ARHGAP4: variants seen among roughly 807,000 people sequenced by gnomAD.
ARHGAP4 encodes the protein rho GTPase-activating protein 4.
Under a neutral mutation model 67.6 loss-of-function variants are expected in ARHGAP4, and 25 were observed. That is an observed-to-expected ratio of 0.37 (90% CI 0.27 to 0.52). The LOEUF (loss-of-function observed/expected upper bound fraction) is 0.52, where lower values mean the gene tolerates loss of function less well. Ranked by LOEUF, ARHGAP4 falls within the 20% of genes least tolerant of loss-of-function variation. The pLI, the probability that ARHGAP4 is intolerant of heterozygous loss-of-function variation, is 0.92. For synonymous variants in ARHGAP4, 448 were observed against 373.7 expected (o/e 1.20, Z -2.29); for missense variants, 804 against 854.6 (o/e 0.94, Z 0.74).
intron 4 of ARHGAP4, 92 bp downstream of exon 4, chrX:153,921,005 T>C: frequency 9.2e-7 from 1 of 1,081,925 alleles, no homozygotes; most frequent in South Asian, 2.0e-5. Flanking sequence ...TGGCTTGGGG[T>C]GATGTGATGG....
chrX:153,919,704 C>T, intron 5 of ARHGAP4: 4 of 1,141,737 alleles, frequency 3.5e-6, no homozygotes, highest in Non-Finnish European at 4.7e-6. Context: ...GGAACGAGTA[C>T]CCCAAAGGGT....
chrX:153,908,148 C>T (rs1438659891), intron 21 of ARHGAP4, among the ~76,000 whole-genome samples, 186 bp from the exon 22 acceptor site: 2 of 112,224 alleles, frequency 1.8e-5, no homozygotes, highest in African/African-American at 6.5e-5. Flanking sequence ...GTGTCTCTGT[C>T]ACAGTCTCCT....
intron 7 of ARHGAP4, among the ~76,000 whole-genome samples, chrX:153,914,660 G>A (rs1221860388): frequency 8.9e-6 from 1 of 112,343 alleles, no homozygotes; most frequent in Admixed American, 9.4e-5. Flanking sequence ...TGGAGCCATT[G>A]CACTCCAGCC....
At position 153,907,746 on chromosome X, in the gene ARHGAP4, T is replaced by A; in HGVS notation, c.2824A>T (p.Thr942Ser). ...GCGGCACCTCAGTGTGGCTTGGGGGTCGTGTCTAGGCCCTGGGGGTGGGAA... is the reference window on the plus strand; with the variant it reads ...GCGGCACCTCAGTGTGGCTTGGGGGACGTGTCTAGGCCCTGGGGGTGGGAA... Reference protein sequence around the residue: ...SASHPQGLDTTPKPH With the variant: ...SASHPQGLDTSPKPH The change falls in exon 22 of 22, where the codon ACC becomes TCC. Residue 942 changes from threonine (T) to serine (S), a missense_variant. Thr to Ser is a moderately conservative substitution (Grantham distance 58). This residue lies in a region of ARHGAP4 where 400 missense variants were observed against 348.7 expected (regional missense o/e 1.15). Coordinates refer to ENST00000350060, the MANE Select transcript of ARHGAP4 (RefSeq NM_001666.5). 1 of 995,539 alleles carries A rather than the reference T, an allele frequency of 1.0e-6. No individual in the cohort carries two copies. Among genetic ancestry groups the A allele is most frequent in the Non-Finnish European group, 1.3e-6 (1 of 775,933 alleles). 82.0% of individuals were successfully genotyped at this position (995,539 alleles called of 1,213,427 possible).
At chrX:153,908,703 C>T (rs2064992194) in intron 21 of ARHGAP4, among the ~76,000 whole-genome samples, 1 of 110,948 alleles carries the variant, frequency 9.0e-6, no homozygotes, top group African/African-American at 3.3e-5. Flanking sequence ...CCTAGCCCAG[C>T]TACAAATGCC....
At chrX:153,922,553 G>T in intron 1 of ARHGAP4, 1 of 416,425 alleles carries the variant, frequency 2.4e-6, no homozygotes, top group Non-Finnish European at 3.0e-6. Context: ...TCACTGGCTT[G>T]ATTTGGCAAC....
intron 7 of ARHGAP4, among the ~76,000 whole-genome samples, chrX:153,918,164 T>C (rs781931012): frequency 8.9e-6 from 1 of 112,992 alleles, no homozygotes; most frequent in Non-Finnish European, 1.9e-5. Context: ...GATTTAAACA[T>C]TGAATGTTAA....
intron 3 of ARHGAP4, 21 bp from the exon 4 acceptor site, chrX:153,921,180 G>T: frequency 8.4e-7 from 1 of 1,194,188 alleles, no homozygotes. Flanking sequence ...AGGCAAGGGT[G>T]AGCACGGCAC....
chrX:153,914,555 G>T (rs1010433353), intron 7 of ARHGAP4, among the ~76,000 whole-genome samples: 3 of 111,885 alleles, frequency 2.7e-5, no homozygotes, highest in African/African-American at 9.7e-5. Context: ...AAATTAACTG[G>T]GCACGGTGGC....
chrX:153,907,968 G>C lies in ARHGAP4; in HGVS notation c.2608-6C>G. The stretch of plus-strand genomic sequence containing the variant: ...TCCATGTTCTGTGCCACAGCCTAGC[G>C]GAGGGGAAAGAAAGGGAGAGTGACC... On this transcript the variant is annotated splice_polypyrimidine_tract_variant and splice_region_variant and intron_variant, in intron 21 of 21. Coordinates refer to ENST00000350060, the MANE Select transcript of ARHGAP4 (RefSeq NM_001666.5). 6 of 1,136,905 alleles carry C rather than the reference G, an allele frequency of 5.3e-6. No individual in the cohort carries two copies. The South Asian group carries it at 1.3e-4, about 25-fold the overall frequency. The allele number at this position is 1,136,905 out of a possible 1,213,427, so 93.7% of individuals were successfully genotyped here.
At chrX:153,914,004 A>G in intron 7 of ARHGAP4, 125 bp from the exon 8 acceptor site, 1 of 555,837 alleles carries the variant, frequency 1.8e-6, no homozygotes, top group Non-Finnish European at 2.9e-6. Flanking sequence ...CCACCAGCCC[A>G]GACGCTCAGC....
chrX:153,910,277 C>G lies in ARHGAP4; in HGVS notation c.2050G>C (p.Val684Leu). ...TCGGGCTGCACTATGAGCGTCTGCA[C>G]CAGCTGGTTCACCCGGCCCTGCAGC... ...VALQGRVNQL[V>L]QTLIVQPDRV... Residue 684 changes from valine to leucine, a missense_variant, in exon 17 of 22, where the codon GTG becomes CTG. By Grantham distance (32) the Val-to-Leu change is conservative. Around this residue, in one of 2 missense-constraint regions of ARHGAP4, gnomAD observed 400 missense variants for 348.7 expected, o/e 1.15. Transcript: ENST00000350060. The G allele has an allele frequency of 8.3e-7, 1 of 1,210,307 alleles. No individual in the cohort carries two copies. The highest frequency in any genetic ancestry group is 1.1e-6 in the Non-Finnish European group (1 of 895,056).
rs781962403 is a variant in ARHGAP4, at chrX:153,926,026, G to A, written c.67+110C>T. ...TCCCTCCTCCACCCCCGCTCCAGAG[G>A]TCGCTGGGGAGAGCATCGGGCCCTG... On this transcript the variant is annotated intron_variant, in intron 1 of 21. Transcript: ENST00000350060. 9.4e-6 allele frequency: 10 copies of A among 1,059,458 alleles called. No homozygotes were observed. The East Asian group carries it at 1.5e-4, about 16-fold the overall frequency. 87.3% of individuals were successfully genotyped at this position (1,059,458 alleles called of 1,213,427 possible).
In ARHGAP4 at chrX:153,910,552, C is replaced by A. The variant is rs996546347; in HGVS notation, c.1876G>T (p.Ala626Ser). The change falls in exon 16 of 22, where the codon GCG becomes TCG. Residue 626 changes from alanine (A) to serine (S), a missense_variant. Physicochemically the swap from Ala to Ser is moderately conservative, Grantham distance 99 (BLOSUM62 1). Around this residue, in one of 2 missense-constraint regions of ARHGAP4, gnomAD observed 400 missense variants for 348.7 expected, o/e 1.15. Transcript: ENST00000350060. ...HVSRLLWRLPAPVLVVLRYLF... is the reference protein window; with the variant it reads ...HVSRLLWRLPSPVLVVLRYLF... ...TAGCGCAGAACCACCAGCACCGGCGCGGGCAGCCGCCACAGCAGGCGGCTC... is the reference window on the plus strand; with the variant it reads ...TAGCGCAGAACCACCAGCACCGGCGAGGGCAGCCGCCACAGCAGGCGGCTC... 3.3e-6 allele frequency: 4 copies of A among 1,204,728 alleles called. No individual in the cohort carries two copies. Among genetic ancestry groups the A allele is most frequent in the Non-Finnish European group, 3.4e-6 (3 of 893,955 alleles).
rs34279017 is a variant in ARHGAP4 at position 153,912,725 on chromosome X, C to T, written c.1517G>A (p.Gly506Glu). Residue 506 changes from glycine to glutamate, a missense_variant, in exon 12 of 22, where the codon GGG (glycine) becomes GAG (glutamate). Coordinates refer to ENST00000350060, the MANE Select transcript of ARHGAP4 (RefSeq NM_001666.5). The stretch of plus-strand genomic sequence containing the variant: ...CTGGATAAACTTCTCCATGTCTCCC[C>T]CAAAGAGTCTCTGGTTATACTGGGA... ...PSSQYNQRLF[G>E]GDMEKFIQSS... 3.2e-5 allele frequency: 39 copies of T among 1,209,350 alleles called. No individual in the cohort carries two copies. Among genetic ancestry groups the T allele is most frequent in the Non-Finnish European group, 3.7e-5 (33 of 894,619 alleles).
At position 153,910,912 on chromosome X, in the gene ARHGAP4, C is replaced by T; in HGVS notation, c.1681+10G>A. 1.4e-5 allele frequency: 16 copies of T among 1,155,473 alleles called. No individual in the cohort carries two copies. The highest frequency in any genetic ancestry group is 1.8e-5 in the Non-Finnish European group (16 of 867,612). ...GAGCCCCCACCCCCGCCCGCCCTGC[C>T]CGTCCCCACCTCTCTCGAAGGCATC... On this transcript the variant is annotated intron_variant, in intron 14 of 21. Transcript: ENST00000350060.
Position 153,918,917 on chromosome X carries a change from C to T in ARHGAP4, c.947G>A (p.Gly316Glu), listed in dbSNP as rs1485653938. The T allele has an allele frequency of 8.3e-7, 1 of 1,210,764 alleles. No individual in the cohort carries two copies. The highest frequency in any genetic ancestry group is 1.7e-5 in the African/African-American group (1 of 57,407). The change falls in exon 7 of 22, where the codon GGG becomes GAG. Residue 316 changes from glycine (G) to glutamate (E), a missense_variant. Around this residue, in one of 2 missense-constraint regions of ARHGAP4, gnomAD observed 404 missense variants for 505.9 expected, o/e 0.80. Transcript: ENST00000350060. ...EEAVEALDPP[G>E]DKAKVLEVHA... ...CACCTCGAGAACCTTGGCTTTGTCC[C>T]CTGGAGGATCCAGGGCCTCCACAGC... is the stretch of plus-strand genomic sequence containing the variant.
At position 153,920,797 on chromosome X, in the gene ARHGAP4, C is replaced by T. The variant is rs1557105095; in HGVS notation, c.510G>A (p.Thr170=). 4 of 1,211,101 alleles carry T rather than the reference C, an allele frequency of 3.3e-6. No homozygotes were observed. In the African/African-American group the frequency reaches 5.2e-5, roughly 16 times the overall value. ...VVSELQTAKK[T]YQAYHMESVN... is the part of the protein sequence containing the mutation. ...CGCTCTCCATGTGATATGCCTGGTA[C>T]GTCTTCTTGGCCTGCAGGGAGACCC... is the stretch of plus-strand genomic sequence containing the variant. Residue 170 remains threonine, a synonymous_variant, in exon 5 of 22, where the codon ACG becomes ACA. Transcript: ENST00000350060.
At chrX:153,920,858 C>A in intron 4 of ARHGAP4, 50 bp from the exon 5 acceptor site, 2 of 1,180,978 alleles carry the variant, frequency 1.7e-6, no homozygotes, top group East Asian at 5.9e-5. Flanking sequence ...CACGGCTGGG[C>A]CAGCCCCCAG....
Sources: allele counts gnomAD v4.1 joint callset (sites outside exome capture counted in the v4.1 genomes callset), GRCh38; gene constraint gnomAD v4.1.1; regional missense constraint gnomAD v4.1.1; transcripts MANE v1.5; gene names NCBI Gene and HGNC (gene_info 2026-07-23, HGNC 2026-07-21).